The following LRRC9 variants were observed in gnomAD, a reference collection of about 807,000 sequenced individuals.
LRRC9 encodes leucine rich repeat containing 9.
A neutral mutation model predicts 63.2 loss-of-function variants in LRRC9; 122 were observed. The ratio of observed to expected loss-of-function variants is 1.93; its 90% CI spans 1.67 to 2.24. The LOEUF (loss-of-function observed/expected upper bound fraction) is 2.24. LRRC9 is among the 30% of genes most tolerant of loss of function. LRRC9 has a pLI of 0.00. For missense variants in LRRC9, 1,071 were observed against 627.7 expected (o/e 1.71, Z -7.55); for synonymous variants, 366 against 213.1 (o/e 1.72, Z -6.25).
Position 60,058,211 on chromosome 14 carries a change from A to ATAGC in LRRC9, c.4276+191_4276+194dup, listed in dbSNP as rs1334499083. On this transcript the variant is annotated intron_variant, in intron 31 of 31. Coordinates refer to ENST00000445360, the Ensembl canonical transcript of LRRC9. This position sits in a 1 kb window ranked among gnomAD's most constrained non-coding sequence, Gnocchi z 4.4. ...TAGTTTTATTATTTTTAGTTTTATT[A>ATAGC]TAGCTTTTTTTGTACTCAGCTACTA... Among the ~76,000 whole-genome samples the ATAGC allele has an allele frequency of 6.6e-6, 1 of 152,126 alleles. No homozygotes were observed. Among genetic ancestry groups the ATAGC allele is most frequent in the African/African-American group, 2.4e-5 (1 of 41,434 alleles).
rs947024187 is a variant in LRRC9 at position 59,958,100 on chromosome 14, G to A, written c.883-1718G>A. Reference sequence around the variant, plus strand: ...GGTATGTCTCCCAGTCAGGAGGCACGGGGGTCAGGAACCCACTTGAGCAGG... The same window carrying A: ...GGTATGTCTCCCAGTCAGGAGGCACAGGGGTCAGGAACCCACTTGAGCAGG... On this transcript the variant is annotated intron_variant, in intron 8 of 31. Transcript: ENST00000445360. This position sits in a 1 kb window ranked among gnomAD's most constrained non-coding sequence, Gnocchi z 4.0. Among the ~76,000 whole-genome samples the A allele has an allele frequency of 6.6e-6, 1 of 152,210 alleles. No individual in the cohort carries two copies. Among genetic ancestry groups the A allele is most frequent in the Admixed American group, 6.5e-5 (1 of 15,284 alleles).
rs1889636338 is a variant in LRRC9 at position 59,930,775 on chromosome 14, T to A, written c.268-143T>A. The A allele has an allele frequency of 4.3e-6, 1 of 231,822 alleles. No homozygotes were observed. The highest frequency in any genetic ancestry group is 2.3e-5 in the African/African-American group (1 of 44,360). The allele number at this position is 231,822 out of a possible 1,614,324, so 14.4% of individuals were successfully genotyped here. A position where few individuals can be genotyped will look rare whatever the true frequency, so the allele number is the denominator to read the frequency against. On this transcript the variant is annotated intron_variant, in intron 3 of 31. Coordinates refer to ENST00000445360, the Ensembl canonical transcript of LRRC9. The surrounding 1 kb of genome is among the most constrained non-coding windows in gnomAD (Gnocchi z 4.9). ...GGAAAACATGGAATATATTTTTTTCTTTTAAAACAGTTCATTTTGCTGGAT... is the reference window on the plus strand; with the variant it reads ...GGAAAACATGGAATATATTTTTTTCATTTAAAACAGTTCATTTTGCTGGAT...
chr14:60,040,519 CTTCT>C (rs1164847264), intron 29 of LRRC9, among the ~76,000 whole-genome samples: 11 of 151,896 alleles, frequency 7.2e-5, no homozygotes, highest in Admixed American at 6.5e-4. Context: ...ATATAATGGC[CTTCT>C]TTGTCTATTC....
At chr14:60,008,327 T>C (rs916805877) in intron 23 of LRRC9, 113 bp downstream of exon 23, 26 of 512,428 alleles carry the variant, frequency 5.1e-5, no homozygotes, top group African/African-American at 2.2e-4. Context: ...AAATTTACTA[T>C]ACTTATTAAA....
chr14:59,979,971 A>C (rs1886752913), intron 15 of LRRC9, among the ~76,000 whole-genome samples: 1 of 152,034 alleles, frequency 6.6e-6, no homozygotes, highest in Non-Finnish European at 1.5e-5. Context: ...GTATAATAAT[A>C]ATAAAATTAA....
Position 60,013,688 on chromosome 14 carries a change from T to C in LRRC9, c.3187-2972T>C, listed in dbSNP as rs546162806. 2.6e-5 allele frequency among the ~76,000 whole-genome samples: 4 copies of C among 152,300 alleles called. No individual in the cohort carries two copies. The East Asian group carries it at 7.7e-4, about 29-fold the overall frequency. On this transcript the variant is annotated intron_variant, in intron 23 of 31. Transcript: ENST00000445360. ...TCTGTCTGACTCTGGTAATTTCCTT[T>C]GCTTCAAAGTTTACTTTATCTGAGA...
At chr14:59,961,343 A>G (rs1884333053) in intron 10 of LRRC9, among the ~76,000 whole-genome samples, 1 of 152,204 alleles carries the variant, frequency 6.6e-6, no homozygotes, top group East Asian at 1.9e-4. Context: ...TTTAGAAAAA[A>G]AAATTTATAA....
At chr14:59,928,082 T>A (rs1209407982) in intron 2 of LRRC9, 91 bp downstream of exon 2, 1 of 615,030 alleles carries the variant, frequency 1.6e-6, no homozygotes, top group Non-Finnish European at 2.9e-6. Context: ...GAAGGGTTAC[T>A]TAGTCATTTC....
chr14:59,928,176 AG>A, intron 2 of LRRC9, 91 bp from the exon 3 acceptor site: 8 of 563,146 alleles, frequency 1.4e-5, no homozygotes, highest in Non-Finnish European at 1.6e-5. Flanking sequence ...AAATGGCATC[AG>A]TGCAGTTGAC....
In LRRC9 at chr14:60,003,509, T is replaced by C; in HGVS notation, c.2665-112T>C. 1.8e-6 allele frequency: 1 copy of C among 547,466 alleles called. No individual in the cohort carries two copies. The highest frequency in any genetic ancestry group is 3.2e-6 in the Non-Finnish European group (1 of 312,800). The allele number at this position is 547,466 out of a possible 1,614,324, so 33.9% of individuals were successfully genotyped here. A position where few individuals can be genotyped will look rare whatever the true frequency, so the allele number is the denominator to read the frequency against. ...TATCTTTAGCTCCTGAAGGAATTCT[T>C]TTGATATCTATTTATCACATTTGAA... On this transcript the variant is annotated intron_variant, in intron 20 of 31. Transcript: ENST00000445360. The surrounding 1 kb of genome is among the most constrained non-coding windows in gnomAD (Gnocchi z 4.2).
Position 59,927,630 on chromosome 14 carries a change from C to A in LRRC9, c.-33-281C>A, listed in dbSNP as rs1047431208. Among the ~76,000 whole-genome samples, 5 of 151,188 alleles carry A rather than the reference C, an allele frequency of 3.3e-5. No homozygotes were observed. The highest frequency in any genetic ancestry group is 1.2e-4 in the African/African-American group (5 of 41,146). On this transcript the variant is annotated intron_variant, in intron 1 of 31. Transcript: ENST00000445360. The surrounding 1 kb of genome is among the most constrained non-coding windows in gnomAD (Gnocchi z 4.4). ...AGTGTAGATGAGAGATGACCATTTT[C>A]TTCAAGTATTGAAGGCTCATCGTGT...
At chr14:60,063,268 T>C in intron 31 of LRRC9, 55 bp from the exon 33 acceptor site, 1 of 687,888 alleles carries the variant, frequency 1.5e-6, no homozygotes, top group Non-Finnish European at 2.6e-6. Flanking sequence ...AGTTAGCTGA[T>C]CCATTACAAA....
In LRRC9 at chr14:59,933,329, C is replaced by T. The variant is rs990221456; in HGVS notation, c.543+1290C>T. Reference sequence around the variant, plus strand: ...GGAACTTTGCCTGTTCTCTTCATTGCTGTATCCACAATCCTTAACACAGTG... The same window carrying T: ...GGAACTTTGCCTGTTCTCTTCATTGTTGTATCCACAATCCTTAACACAGTG... On this transcript the variant is annotated intron_variant, in intron 6 of 31. Transcript: ENST00000445360. Among the ~76,000 whole-genome samples the T allele has an allele frequency of 5.3e-5, 8 of 152,216 alleles. No individual in the cohort carries two copies. The East Asian group carries it at 1.2e-3, about 22-fold the overall frequency.
rs191791382 is a variant in LRRC9 at position 60,051,792 on chromosome 14, G to T, written c.3991-1273G>T. 4.9e-4 allele frequency among the ~76,000 whole-genome samples: 74 copies of T among 152,284 alleles called. No homozygotes were observed. The highest frequency in any genetic ancestry group is 1.6e-3 in the African/African-American group (68 of 41,540). On this transcript the variant is annotated intron_variant, in intron 29 of 31. Coordinates refer to ENST00000445360, the Ensembl canonical transcript of LRRC9. This position sits in a 1 kb window ranked among gnomAD's most constrained non-coding sequence, Gnocchi z 4.7. ...CTGCCAAGACTCCACACTGCTCTGTGTATCAGACCCAAAGCCCTGGAGACA... is the reference window on the plus strand; with the variant it reads ...CTGCCAAGACTCCACACTGCTCTGTTTATCAGACCCAAAGCCCTGGAGACA...
intron 8 of LRRC9, among the ~76,000 whole-genome samples, chr14:59,957,263 CA>C (rs1883865757): frequency 6.6e-6 from 1 of 152,150 alleles, no homozygotes; most frequent in African/African-American, 2.4e-5. Flanking sequence ...TCAGGGACCC[CA>C]ATCAACCAGA....
intron 8 of LRRC9, among the ~76,000 whole-genome samples, chr14:59,945,645 G>T (rs1030594312): frequency 6.6e-6 from 1 of 151,822 alleles, no homozygotes; most frequent in Non-Finnish European, 1.5e-5. Context: ...AATAATAAAT[G>T]TAAACAACAA....
In LRRC9 at chr14:60,028,160, G is replaced by A; in HGVS notation, c.3921+59G>A. The A allele has an allele frequency of 2.3e-5, 15 of 643,604 alleles. 1 individual carries two copies. The South Asian group carries it at 2.7e-4, about 12-fold the overall frequency. The allele number at this position is 643,604 out of a possible 1,614,324, so 39.9% of individuals were successfully genotyped here. A position where few individuals can be genotyped will look rare whatever the true frequency, so the allele number is the denominator to read the frequency against. On this transcript the variant is annotated intron_variant, in intron 28 of 31. Transcript: ENST00000445360. ...AAGCTTTAGTTTCTCTGAGTTCTGA[G>A]CATAAAGCTTCCAAACACATCAATG...
intron 29 of LRRC9, among the ~76,000 whole-genome samples, chr14:60,041,412 T>C (rs1184975251): frequency 6.6e-6 from 1 of 152,234 alleles, no homozygotes; most frequent in East Asian, 1.9e-4. Flanking sequence ...CACGTAGATA[T>C]GGTCTTTTCA....
chr14:59,947,257 G>T (rs1224770322), intron 8 of LRRC9, among the ~76,000 whole-genome samples: 2 of 146,484 alleles, frequency 1.4e-5, no homozygotes, highest in Non-Finnish European at 3.0e-5. Context: ...CTGATGGCCA[G>T]TGATGATGAG....
Sources: allele counts gnomAD v4.1 joint callset (sites outside exome capture counted in the v4.1 genomes callset), GRCh38; gene constraint gnomAD v4.1.1; non-coding constraint Gnocchi (gnomAD v3.1); transcripts MANE v1.5; gene names NCBI Gene and HGNC (gene_info 2026-07-23, HGNC 2026-07-21).